The following MEF2A variants were observed in gnomAD, a reference collection of about 807,000 sequenced individuals.
The protein encoded by MEF2A is myocyte enhancer factor 2A, also known as myocyte-specific enhancer factor 2A.
Under a neutral mutation model 55.8 loss-of-function variants are expected in MEF2A, and 28 were observed. The ratio of observed to expected loss-of-function variants is 0.50; its 90% CI spans 0.37 to 0.69. MEF2A has a LOEUF of 0.69. Ranked by LOEUF, MEF2A falls within the 30% of genes least tolerant of loss-of-function variation. MEF2A has a pLI of 0.00. For synonymous variants in MEF2A, 239 were observed against 227.1 expected (o/e 1.05, Z -0.47); for missense variants, 528 against 626.2 (o/e 0.84, Z 1.67).
intron 1 of MEF2A, among the ~76,000 whole-genome samples, chr15:99,584,697 T>C (rs1057089324): frequency 1.3e-5 from 2 of 152,026 alleles, no homozygotes; most frequent in Admixed American, 1.3e-4. Flanking sequence ...GGGGTAGGCA[T>C]AGGGAATGGG....
At chr15:99,575,373 A>G (rs571721484) in intron 1 of MEF2A, among the ~76,000 whole-genome samples, 1 of 152,272 alleles carries the variant, frequency 6.6e-6, no homozygotes, top group South Asian at 2.1e-4. Context: ...TTTGTAGAGT[A>G]CAGACCCTTT....
chr15:99,566,411 TG>T (rs1284623915), intron 1 of MEF2A: 1 of 8,116 alleles, frequency 1.2e-4, no homozygotes, highest in East Asian at 5.8e-3. Context: ...CCCGGGGAGG[TG>T]GGGGCGGGGT....
chr15:99,593,761 A>G (rs1003023346), intron 1 of MEF2A, among the ~76,000 whole-genome samples: 1 of 152,174 alleles, frequency 6.6e-6, no homozygotes, highest in Non-Finnish European at 1.5e-5. Flanking sequence ...TCCTACTAGT[A>G]TGGAAAATTG....
At chr15:99,711,507 A>G (rs1225191296) in intron 11 of MEF2A, among the ~76,000 whole-genome samples, 2 of 152,200 alleles carry the variant, frequency 1.3e-5, no homozygotes, top group Non-Finnish European at 2.9e-5. Flanking sequence ...CAGCAGACCC[A>G]TGGAGCAGTT....
At chr15:99,670,459 A>AG (rs1491007886) in intron 4 of MEF2A, among the ~76,000 whole-genome samples, 27 of 152,158 alleles carry the variant, frequency 1.8e-4, no homozygotes, top group Non-Finnish European at 5.9e-5. Flanking sequence ...ATACAAAAAA[A>AG]ATTAGCCGGG....
intron 3 of MEF2A, among the ~76,000 whole-genome samples, chr15:99,643,867 G>A (rs1454519527): frequency 6.6e-6 from 1 of 151,952 alleles, no homozygotes; most frequent in Non-Finnish European, 1.5e-5. Flanking sequence ...CTGGGATTAC[G>A]GGCGTGAGCC....
intron 4 of MEF2A, among the ~76,000 whole-genome samples, chr15:99,647,123 G>A (rs1240346601): frequency 6.6e-6 from 1 of 152,124 alleles, no homozygotes; most frequent in Admixed American, 6.5e-5. Flanking sequence ...TAGCAGTTAT[G>A]TTATATGTTA....
At chr15:99,633,707 T>C (rs1363988339) in intron 3 of MEF2A, among the ~76,000 whole-genome samples, 1 of 152,210 alleles carries the variant, frequency 6.6e-6, no homozygotes, top group African/African-American at 2.4e-5. Context: ...TATTTTATGG[T>C]ACCAGTGTGG....
At chr15:99,617,225 A>G (rs1265305657) in intron 2 of MEF2A, among the ~76,000 whole-genome samples, 2 of 150,744 alleles carry the variant, frequency 1.3e-5, no homozygotes, top group Non-Finnish European at 3.0e-5. Flanking sequence ...TCAGAACTGT[A>G]TGAGAAGTTT....
At chr15:99,711,011 TAG>T (rs2058582133) in intron 11 of MEF2A, among the ~76,000 whole-genome samples, 1 of 152,094 alleles carries the variant, frequency 6.6e-6, no homozygotes, top group African/African-American at 2.4e-5. Flanking sequence ...CATCCTGAGG[TAG>T]AGAGACTCAA....
Position 99,695,008 on chromosome 15 carries a change from C to T in MEF2A, c.858+4580C>T, listed in dbSNP as rs190755996. Among the ~76,000 whole-genome samples, 380 of 150,548 alleles carry T rather than the reference C, an allele frequency of 2.5e-3. 2 individuals carry two copies. Among genetic ancestry groups the T allele is most frequent in the African/African-American group, 8.7e-3 (355 of 40,788 alleles). On this transcript the variant is annotated intron_variant, in intron 8 of 11. Transcript: ENST00000557942. ...TTTTTTTTTTTTCAGGGGGAGCAGG[C>T]GCTTTTTTATTTTCCGGCACTATAA...
intron 1 of MEF2A, among the ~76,000 whole-genome samples, chr15:99,581,883 G>GA (rs1214076502): frequency 6.6e-6 from 1 of 152,012 alleles, no homozygotes; most frequent in African/African-American, 2.4e-5. Context: ...CAGAGTTGTG[G>GA]AAAAAATACA....
chr15:99,636,505 C>T (rs2043870695), intron 3 of MEF2A, among the ~76,000 whole-genome samples: 1 of 151,484 alleles, frequency 6.6e-6, no homozygotes, highest in South Asian at 2.1e-4. Context: ...ACCACTAGGG[C>T]CGACCCATTC....
rs1425923914 is a variant in MEF2A at position 99,715,837 on chromosome 15, G to T, written c.*3066G>T. ...TCCACCGCGAGTGGAAGTCACTGTT[G>T]TGTGTACACAGGTGGTCCCAATCAA... On this transcript the variant is annotated 3_prime_UTR_variant, in exon 12 of 12. Coordinates refer to ENST00000557942, the MANE Select transcript of MEF2A (RefSeq NM_001319206.4). 1.3e-5 allele frequency: 2 copies of T among 152,234 alleles called. No individual in the cohort carries two copies. The highest frequency in any genetic ancestry group is 4.8e-5 in the African/African-American group (2 of 41,450). 9.4% of individuals were successfully genotyped at this position (152,234 alleles called of 1,614,324 possible). A position where few individuals can be genotyped will look rare whatever the true frequency, so the allele number is the denominator to read the frequency against.
intron 10 of MEF2A, among the ~76,000 whole-genome samples, chr15:99,708,658 GCAGGCACTGTGC>G (rs1247059479): frequency 6.6e-6 from 1 of 152,202 alleles, no homozygotes; most frequent in Non-Finnish European, 1.5e-5. Context: ...CTGCTGTGTG[GCAGGCACTGTGC>G]CAGGCACTGG....
chr15:99,693,229 GAGAA>G (rs1239751082), intron 8 of MEF2A, among the ~76,000 whole-genome samples: 1 of 152,128 alleles, frequency 6.6e-6, no homozygotes, highest in African/African-American at 2.4e-5. Flanking sequence ...GAAATACAAA[GAGAA>G]AGAAGAGTGA....
intron 1 of MEF2A, among the ~76,000 whole-genome samples, chr15:99,584,910 A>T (rs930169291): frequency 6.6e-6 from 1 of 152,104 alleles, no homozygotes; most frequent in Admixed American, 6.5e-5. Context: ...CTGTTTGAAC[A>T]GATGTTTTGG....
chr15:99,687,617 C>T (rs1229460111), intron 7 of MEF2A, among the ~76,000 whole-genome samples: 1 of 152,170 alleles, frequency 6.6e-6, no homozygotes, highest in Non-Finnish European at 1.5e-5. Context: ...TTCTTCTGTT[C>T]TTCTCTCATT....
intron 4 of MEF2A, among the ~76,000 whole-genome samples, chr15:99,646,516 G>A (rs995826716): frequency 2.0e-5 from 3 of 151,916 alleles, no homozygotes; most frequent in Admixed American, 6.6e-5. Context: ...TTCAGTGGAG[G>A]AATTTTTTAT....
Sources: allele counts gnomAD v4.1 joint callset (sites outside exome capture counted in the v4.1 genomes callset), GRCh38; gene constraint gnomAD v4.1.1; transcripts MANE v1.5; gene names NCBI Gene and HGNC (gene_info 2026-07-23, HGNC 2026-07-21).